CDC42: variants seen among roughly 807,000 people sequenced by gnomAD.
The protein encoded by CDC42 is cell division control protein 42 homolog.
A neutral mutation model predicts 20.8 loss-of-function variants in CDC42; 1 was observed. The ratio of observed to expected loss-of-function variants is 0.05; its 90% CI spans 0.02 to 0.23. The LOEUF is 0.23. Ranked by LOEUF, CDC42 falls within the 10% of genes least tolerant of loss-of-function variation. The pLI, the probability that CDC42 is intolerant of heterozygous loss-of-function variation, is 1.00. For missense variants in CDC42, 49 were observed against 227.9 expected (o/e 0.21, Z 5.05); for synonymous variants, 72 against 84.8 (o/e 0.85, Z 0.83).
intron 5 of CDC42, 116 bp downstream of exon 5, chr1:22,086,982 T>C (rs1441066344): frequency 1.2e-6 from 1 of 801,350 alleles, no homozygotes; most frequent in South Asian, 1.5e-5. Context: ...CCAGCAAGAA[T>C]ATGAACAGCT....
In CDC42 at chr1:22,093,275, T is replaced by G. The variant is rs1645733777; in HGVS notation, c.*1758T>G. On this transcript the variant is annotated 3_prime_UTR_variant, in exon 6 of 6. Transcript: ENST00000656825. ...AATCCATAGATCATTGAAAAGCAGCTCATTTTCCCCCAAGTTTTCTGCATC... is the reference window on the plus strand; with the variant it reads ...AATCCATAGATCATTGAAAAGCAGCGCATTTTCCCCCAAGTTTTCTGCATC... 6.6e-6 allele frequency among the ~76,000 whole-genome samples: 1 copy of G among 152,154 alleles called. No individual in the cohort carries two copies. Among genetic ancestry groups the G allele is most frequent in the Non-Finnish European group, 1.5e-5 (1 of 68,020 alleles).
intron 1 of CDC42, among the ~76,000 whole-genome samples, chr1:22,062,079 G>A (rs1244680607): frequency 6.6e-6 from 1 of 151,888 alleles, no homozygotes; most frequent in Non-Finnish European, 1.5e-5. Flanking sequence ...GGGACTACAG[G>A]CATGTGCCAC....
At position 22,091,791 on chromosome 1, in the gene CDC42, G is replaced by GTTT. The variant is rs150558595; in HGVS notation, c.*275_*276insTTT. ...TCAAAAAAAAAATTTTTGTGTGTGT[G>GTTT]TGTTTTTTTTTTTTTTTTTTTTGTT... On this transcript the variant is annotated 3_prime_UTR_variant, in exon 6 of 6. Coordinates refer to ENST00000656825, the MANE Select transcript of CDC42 (RefSeq NM_001791.4). 11,404 of 77,518 alleles carry GTTT rather than the reference G, an allele frequency of 0.15. 1,352 individuals carry two copies. The highest frequency in any genetic ancestry group is 0.26 in the African/African-American group (4,775 of 18,494). 4.8% of individuals were successfully genotyped at this position (77,518 alleles called of 1,614,324 possible).
At chr1:22,088,264 G>A (rs1645680756) in intron 5 of CDC42, among the ~76,000 whole-genome samples, 1 of 152,208 alleles carries the variant, frequency 6.6e-6, no homozygotes, top group Admixed American at 6.5e-5. Context: ...GTGTGCTTCT[G>A]ATGCATACCT....
At chr1:22,057,913 G>T (rs952463725) in intron 1 of CDC42, among the ~76,000 whole-genome samples, 1 of 151,572 alleles carries the variant, frequency 6.6e-6, no homozygotes, top group Admixed American at 6.6e-5. Context: ...TAGTAGAGGT[G>T]GGGGGGTTTC....
chr1:22,081,434 T>C (rs1002423388), intron 2 of CDC42, among the ~76,000 whole-genome samples: 4 of 152,186 alleles, frequency 2.6e-5, no homozygotes, highest in African/African-American at 9.7e-5. Context: ...ACAGGTTCAT[T>C]TTGTGTAGCT....
chr1:22,064,411 G>A lies in CDC42; in HGVS notation c.-51+11669G>A, dbSNP rs17837955. Among the ~76,000 whole-genome samples the A allele has an allele frequency of 6.2e-3, 941 of 152,126 alleles. 12 individuals are homozygous for A. Among genetic ancestry groups the A allele is most frequent in the African/African-American group, 0.021 (873 of 41,474 alleles). ...GGGTTCAAGGAGTTCTCCTGTCTCA[G>A]CCTCCTGTGTAGCTGGGAGTACAGG... is the stretch of plus-strand genomic sequence containing the variant. On this transcript the variant is annotated intron_variant, in intron 1 of 5. Coordinates refer to ENST00000656825, the MANE Select transcript of CDC42 (RefSeq NM_001791.4).
At position 22,081,571 on chromosome 1, in the gene CDC42, C is replaced by T. The variant is rs1645607895; in HGVS notation, c.106-151C>T. 2.0e-5 allele frequency: 12 copies of T among 587,544 alleles called. No homozygotes were observed. The South Asian group carries it at 2.2e-4, about 11-fold the overall frequency. The allele number at this position is 587,544 out of a possible 1,614,324, so 36.4% of individuals were successfully genotyped here. A position where few individuals can be genotyped will look rare whatever the true frequency, so the allele number is the denominator to read the frequency against. ...AGGAATCATTTAGCTCATGCAAGGA[C>T]TGGTTGGCAAGATTGGTTATATAAG... On this transcript the variant is annotated intron_variant, in intron 2 of 5. Coordinates refer to ENST00000656825, the MANE Select transcript of CDC42 (RefSeq NM_001791.4).
At chr1:22,065,129 G>A (rs889059900) in intron 1 of CDC42, among the ~76,000 whole-genome samples, 7 of 152,238 alleles carry the variant, frequency 4.6e-5, no homozygotes, top group Non-Finnish European at 8.8e-5. Flanking sequence ...AGAGTTTTAA[G>A]TAGCTTGCCC....
chr1:22,053,591 T>C (rs1357753277), intron 1 of CDC42, among the ~76,000 whole-genome samples: 2 of 152,162 alleles, frequency 1.3e-5, no homozygotes, highest in Non-Finnish European at 2.9e-5. Context: ...TGTTCGTTTG[T>C]TTTTCCTCCC....
chr1:22,086,213 C>A (rs1027772849), intron 3 of CDC42, among the ~76,000 whole-genome samples: 1 of 152,128 alleles, frequency 6.6e-6, no homozygotes, highest in African/African-American at 2.4e-5. Flanking sequence ...ACACCACAAA[C>A]TGGTAATAAA....
In CDC42 at chr1:22,098,940, G is replaced by T. The variant is rs577345228; in HGVS notation, c.*7423G>T. Among the ~76,000 whole-genome samples the T allele has an allele frequency of 2.6e-5, 4 of 152,128 alleles. No individual in the cohort carries two copies. The highest frequency in any genetic ancestry group is 9.7e-5 in the African/African-American group (4 of 41,428). On this transcript the variant is annotated 3_prime_UTR_variant, in exon 6 of 6. Coordinates refer to ENST00000656825, the MANE Select transcript of CDC42 (RefSeq NM_001791.4). ...CGCCTGGCTCATTTTTGCATTTTGT[G>T]TAGAGAGGGGGTTTTGCCATTTTAC...
intron 2 of CDC42, chr1:22,078,885 A>G (rs1557902335): frequency 3.8e-6 from 4 of 1,058,440 alleles, no homozygotes; most frequent in South Asian, 3.3e-5. Context: ...GAATGAGGTG[A>G]CTTTTTTTTT....
intron 3 of CDC42, 114 bp downstream of exon 3, chr1:22,081,908 T>G: frequency 1.4e-6 from 1 of 693,268 alleles, no homozygotes; most frequent in Non-Finnish European, 2.5e-6. Context: ...CTTTTGTTAT[T>G]AGTTAGCAGG....
Position 22,072,531 on chromosome 1 carries a change from A to T in CDC42, c.-50-5898A>T, listed in dbSNP as rs114768723. On this transcript the variant is annotated intron_variant, in intron 1 of 5. Coordinates refer to ENST00000656825, the MANE Select transcript of CDC42 (RefSeq NM_001791.4). ...TTTCCCCTCACCTTGAAATGTTCAC[A>T]GACCTGGAAGCTCTCCAAATCTTCT... Among the ~76,000 whole-genome samples the T allele has an allele frequency of 5.6e-3, 846 of 152,272 alleles. 13 individuals are homozygous for T. The highest frequency in any genetic ancestry group is 0.02 in the African/African-American group (810 of 41,534).
At chr1:22,055,776 C>G (rs1645298586) in intron 1 of CDC42, among the ~76,000 whole-genome samples, 1 of 151,764 alleles carries the variant, frequency 6.6e-6, no homozygotes, top group Admixed American at 6.6e-5. Flanking sequence ...GCATGAGCTG[C>G]TGTGCCGCTG....
rs566509453 is a variant in CDC42 at position 22,080,985 on chromosome 1, A to G, written c.106-737A>G. 2.6e-5 allele frequency among the ~76,000 whole-genome samples: 4 copies of G among 152,286 alleles called. No individual in the cohort carries two copies. The East Asian group carries it at 5.8e-4, about 22-fold the overall frequency. On this transcript the variant is annotated intron_variant, in intron 2 of 5. Transcript: ENST00000656825. ...GGAGTTTGAGACCAGCCTGGCCAAC[A>G]TAGTGAAACTCTGTCTCTACTAAAA...
chr1:22,082,875 A>ATTTT lies in CDC42; in HGVS notation c.178+1083_178+1086dup, dbSNP rs3036839. Among the ~76,000 whole-genome samples, 42 of 140,180 alleles carry ATTTT rather than the reference A, an allele frequency of 3.0e-4. 2 individuals carry two copies. Among genetic ancestry groups the ATTTT allele is most frequent in the South Asian group, 6.6e-4 (3 of 4,532 alleles). The allele number at this position is 140,180 out of a possible 152,430, so 92.0% of individuals were successfully genotyped here. ...ATTTGTGTCCAAAGGCACAGAGAAA[A>ATTTT]TTTTTATTTTTTTTTTTTGTTGAGA... On this transcript the variant is annotated intron_variant, in intron 3 of 5. Transcript: ENST00000656825.
chr1:22,053,390 G>C, intron 1 of CDC42: 1 of 152,158 alleles, frequency 6.6e-6, no homozygotes, highest in Non-Finnish European at 1.5e-5. Flanking sequence ...CTCTGGGCGG[G>C]GTGGCCCCGA....
Sources: gnomAD v4.1 joint callset for allele counts (sites outside exome capture counted in the v4.1 genomes callset) on GRCh38, gnomAD v4.1.1 for gene constraint, MANE v1.5 for transcripts, NCBI Gene and HGNC (gene_info 2026-07-23, HGNC 2026-07-21) for gene names.